The following MET variants were observed in gnomAD, a reference collection of about 807,000 sequenced individuals.
MET encodes the protein MET proto-oncogene, receptor tyrosine kinase.
Under a neutral mutation model 133.1 loss-of-function variants are expected in MET, and 48 were observed. That is an observed-to-expected ratio of 0.36 (90% confidence interval 0.29 to 0.46). The LOEUF is 0.46. Ranked by LOEUF, MET falls within the 20% of genes least tolerant of loss-of-function variation. The pLI, the probability that MET is intolerant of heterozygous loss-of-function variation, is 1.00. For synonymous variants in MET, 628 were observed against 616.5 expected (o/e 1.02, Z -0.28); for missense variants, 1,442 against 1,695.9 (o/e 0.85, Z 2.63).
At chr7:116,733,088 T>C (rs1277997460) in intron 3 of MET, among the ~76,000 whole-genome samples, 1 of 152,136 alleles carries the variant, frequency 6.6e-6, no homozygotes, top group African/African-American at 2.4e-5. Flanking sequence ...ACCATTTAAT[T>C]CTATCCTTAA....
At chr7:116,702,261 C>CAT (rs1791609060) in intron 2 of MET, among the ~76,000 whole-genome samples, 1 of 152,140 alleles carries the variant, frequency 6.6e-6, no homozygotes, top group African/African-American at 2.4e-5. Flanking sequence ...AGTCTTCTTA[C>CAT]AAAGGAAGCC....
intron 1 of MET, among the ~76,000 whole-genome samples, chr7:116,694,002 ATG>A (rs1156554766): frequency 6.6e-6 from 1 of 152,240 alleles, no homozygotes; most frequent in Non-Finnish European, 1.5e-5. Context: ...CTAAGGTAAC[ATG>A]GACAGTGATT....
At chr7:116,693,572 T>C (rs185974584) in intron 1 of MET, among the ~76,000 whole-genome samples, 11 of 152,312 alleles carry the variant, frequency 7.2e-5, no homozygotes, top group African/African-American at 2.6e-4. Context: ...GACCTCAGAA[T>C]TGTGAATGCA....
intron 1 of MET, among the ~76,000 whole-genome samples, chr7:116,676,993 TTTTTTTG>T (rs1437716134): frequency 1.8e-4 from 28 of 151,790 alleles, no homozygotes; most frequent in Non-Finnish European, 2.9e-4. Flanking sequence ...GTTTTGTTTT[TTTTTTTG>T]TTTTTTTGTT....
At chr7:116,676,338 A>T (rs1407456891) in intron 1 of MET, among the ~76,000 whole-genome samples, 3 of 152,246 alleles carry the variant, frequency 2.0e-5, no homozygotes, top group Non-Finnish European at 2.9e-5. Context: ...GTGCTTAGAG[A>T]ATCACAAGTT....
At chr7:116,738,733 A>G (rs1793331348) in intron 3 of MET, among the ~76,000 whole-genome samples, 1 of 152,204 alleles carries the variant, frequency 6.6e-6, no homozygotes, top group South Asian at 2.1e-4. Flanking sequence ...AAATTGCTTC[A>G]GGATACTTGG....
intron 5 of MET, 83 bp from the exon 6 acceptor site, chr7:116,755,272 T>C: frequency 2.8e-6 from 4 of 1,448,890 alleles, no homozygotes; most frequent in East Asian, 4.8e-5. Context: ...TTTAAGGATA[T>C]ACATTTTGTT....
intron 11 of MET, among the ~76,000 whole-genome samples, chr7:116,768,541 A>C (rs879564380): frequency 4.6e-5 from 7 of 152,320 alleles, no homozygotes; most frequent in Middle Eastern, 3.4e-3. Flanking sequence ...CTGAAACTCC[A>C]ACATCAGGTT....
intron 17 of MET, among the ~76,000 whole-genome samples, chr7:116,779,766 T>C (rs1795099948): frequency 6.6e-6 from 1 of 152,216 alleles, no homozygotes; most frequent in African/African-American, 2.4e-5. Context: ...GTTGTTTATA[T>C]TGATTACATG....
intron 2 of MET, among the ~76,000 whole-genome samples, chr7:116,713,794 C>CT (rs553098188): frequency 1.9e-4 from 29 of 152,178 alleles, no homozygotes; most frequent in Non-Finnish European, 3.7e-4. Context: ...TTGAAGGACT[C>CT]TTGTTTCATC....
intron 1 of MET, among the ~76,000 whole-genome samples, chr7:116,698,822 C>T (rs1797056270): frequency 6.6e-6 from 1 of 152,156 alleles, no homozygotes; most frequent in African/African-American, 2.4e-5. Context: ...TAATACAGAA[C>T]ATTGTTTGCA....
chr7:116,741,663 G>T (rs1235537330), intron 5 of MET, among the ~76,000 whole-genome samples: 1 of 152,152 alleles, frequency 6.6e-6, no homozygotes, highest in Non-Finnish European at 1.5e-5. Context: ...ACACCCATGG[G>T]TGGCTGTGAG....
chr7:116,792,554 C>A (rs1399276258), intron 19 of MET, among the ~76,000 whole-genome samples: 2 of 151,480 alleles, frequency 1.3e-5, no homozygotes, highest in African/African-American at 4.9e-5. Context: ...TCCTCTTTCA[C>A]TGTCCCTCCC....
intron 2 of MET, among the ~76,000 whole-genome samples, chr7:116,710,329 A>G (rs1164657018): frequency 6.6e-6 from 1 of 152,330 alleles, no homozygotes; most frequent in African/African-American, 2.4e-5. Flanking sequence ...AATTAATTTC[A>G]AAAGGTCAAA....
intron 19 of MET, 107 bp from the exon 20 acceptor site, chr7:116,795,548 G>C: frequency 2.7e-6 from 4 of 1,457,954 alleles, no homozygotes; most frequent in Non-Finnish European, 3.8e-6. Flanking sequence ...AACAGAAACC[G>C]TATTGAGTAT....
At chr7:116,792,129 T>G (rs1420979872) in intron 19 of MET, among the ~76,000 whole-genome samples, 4 of 152,164 alleles carry the variant, frequency 2.6e-5, no homozygotes, top group Non-Finnish European at 5.9e-5. Flanking sequence ...TGTATCTCCA[T>G]GCATCTACTC....
At chr7:116,732,668 G>GT (rs1793064341) in intron 3 of MET, among the ~76,000 whole-genome samples, 1 of 152,246 alleles carries the variant, frequency 6.6e-6, no homozygotes, top group Non-Finnish European at 1.5e-5. Context: ...GGGAGATTTC[G>GT]TAATTGTCTG....
chr7:116,763,531 G>A (rs898772854), intron 11 of MET, among the ~76,000 whole-genome samples: 2 of 152,200 alleles, frequency 1.3e-5, no homozygotes, highest in Non-Finnish European at 2.9e-5. Context: ...CCATTAAAGA[G>A]GATCCGCGTC....
At position 116,700,072 on chromosome 7, in the gene MET, G is replaced by T. The variant is rs1791512125; in HGVS notation, c.988G>T (p.Ala330Ser). The stretch of plus-strand genomic sequence containing the variant: ...TGTCAGCAAGCCTGGGGCCCAGCTT[G>T]CTAGACAAATAGGAGCCAGCCTGAA... ...AYVSKPGAQL[A>S]RQIGASLNDD... The change falls in exon 2 of 21, where the codon GCT becomes TCT. Residue 330 changes from alanine to serine, a missense_variant. By Grantham distance (99) the Ala-to-Ser change is moderately conservative (BLOSUM62 1). This residue lies in a region of MET where 762 missense variants were observed against 792.4 expected (regional missense o/e 0.96). Coordinates refer to ENST00000397752, the MANE Select transcript of MET (RefSeq NM_000245.4). The T allele has an allele frequency of 6.2e-7, 1 of 1,613,078 alleles. No individual in the cohort carries two copies. The highest frequency in any genetic ancestry group is 8.5e-7 in the Non-Finnish European group (1 of 1,179,702).
Sources: allele counts gnomAD v4.1 joint callset (sites outside exome capture counted in the v4.1 genomes callset), GRCh38; gene constraint gnomAD v4.1.1; regional missense constraint gnomAD v4.1.1; transcripts MANE v1.5; gene names NCBI Gene and HGNC (gene_info 2026-07-23, HGNC 2026-07-21).